The following PALB2 variants were observed in gnomAD, a reference collection of about 807,000 sequenced individuals.
PALB2 encodes the protein mutant partner and localizer of BRCA2.
Under a neutral mutation model 107.4 loss-of-function variants are expected in PALB2, and 82 were observed. That is an observed-to-expected ratio of 0.76 (90% CI 0.64 to 0.92). The LOEUF (loss-of-function observed/expected upper bound fraction) is 0.92. Among genes scored for constraint, PALB2 ranks in the 40% least tolerant of loss-of-function variants. The pLI is 0.00. For missense variants in PALB2, 1,374 were observed against 1,379.9 expected (o/e 1.00, Z 0.07); for synonymous variants, 489 against 496.8 (o/e 0.98, Z 0.21).
intron 4 of PALB2, among the ~76,000 whole-genome samples, 184 bp downstream of exon 4, chr16:23,634,678 T>G (rs1487660441): frequency 1.3e-5 from 2 of 148,586 alleles, no homozygotes; most frequent in African/African-American, 5.0e-5. Flanking sequence ...TTTATTTATT[T>G]AAATTTTTTT....
At chr16:23,614,760 C>T (rs1209676888) in intron 10 of PALB2, among the ~76,000 whole-genome samples, 1 of 146,010 alleles carries the variant, frequency 6.8e-6, no homozygotes, top group African/African-American at 2.5e-5. Context: ...ACGCCATTCT[C>T]CTGCCTCAGC....
intron 6 of PALB2, among the ~76,000 whole-genome samples, chr16:23,627,448 C>T (rs1354893212): frequency 5.4e-5 from 8 of 147,510 alleles, no homozygotes; most frequent in Non-Finnish European, 1.2e-4. Context: ...GATTGCGCCA[C>T]TGCAGTCCGC....
At chr16:23,619,811 G>T (rs1333142971) in intron 10 of PALB2, among the ~76,000 whole-genome samples, 2 of 150,772 alleles carry the variant, frequency 1.3e-5, no homozygotes, top group African/African-American at 4.9e-5. Context: ...ACAGAATCTT[G>T]CTCTGTCGCC....
rs974068286 is a variant in PALB2, at chr16:23,629,430, G to T, written c.2515-155C>A. On this transcript the variant is annotated intron_variant, in intron 5 of 12. Transcript: ENST00000261584. ...CAAACTGTTTCACTGATAACAAAGA[G>T]AATAGGACCTCCCATATTTAAAAGA... Among the ~76,000 whole-genome samples the T allele has an allele frequency of 2.6e-5, 4 of 152,296 alleles. No homozygotes were observed. The South Asian group carries it at 8.3e-4, about 32-fold the overall frequency.
chr16:23,626,011 G>A (rs551515466), intron 7 of PALB2, among the ~76,000 whole-genome samples: 45 of 152,026 alleles, frequency 3.0e-4, no homozygotes, highest in Non-Finnish European at 5.7e-4. Flanking sequence ...GTGATAAAGC[G>A]AACAAAGCAG....
Position 23,638,130 on chromosome 16 carries a change from C to G in PALB2, c.49-1G>C, listed in dbSNP as rs1440838364. The G allele has an allele frequency of 6.2e-7, 1 of 1,613,118 alleles. No homozygotes were observed. The highest frequency in any genetic ancestry group is 1.7e-5 in the Admixed American group (1 of 59,972). ...TCAAGAATGCTAATTTCTCCTTTAA[C>G]TGGAAGAAGAAAAACACCAACAATA... On this transcript the variant is annotated splice_acceptor_variant, in intron 1 of 12. Coordinates refer to ENST00000261584, the MANE Select transcript of PALB2 (RefSeq NM_024675.4). LOFTEE classifies it high-confidence loss of function.
chr16:23,628,924 G>A (rs531752409), intron 6 of PALB2, among the ~76,000 whole-genome samples: 94 of 152,244 alleles, frequency 6.2e-4, no homozygotes, highest in Non-Finnish European at 1.2e-3. Flanking sequence ...GTGAGCCACC[G>A]TGCCCAGCTC....
intron 10 of PALB2, among the ~76,000 whole-genome samples, chr16:23,618,699 A>C (rs1453594684): frequency 1.3e-5 from 2 of 152,154 alleles, no homozygotes; most frequent in Non-Finnish European, 2.9e-5. Context: ...AAAAAATATC[A>C]AGTTTGAATA....
At chr16:23,619,195 A>C (rs1188692512) in intron 10 of PALB2, among the ~76,000 whole-genome samples, 1 of 152,154 alleles carries the variant, frequency 6.6e-6, no homozygotes, top group East Asian at 1.9e-4. Flanking sequence ...GAAAAGAAAA[A>C]ACATCAATCT....
At chr16:23,636,422 C>G (rs2142449286) in intron 3 of PALB2, 88 bp from the exon 4 acceptor site, 3 of 835,376 alleles carry the variant, frequency 3.6e-6, no homozygotes, top group Non-Finnish European at 5.4e-6. Flanking sequence ...TATATAAATA[C>G]TACTAAACAT....
chr16:23,623,912 C>CGAA (rs1461026254), intron 8 of PALB2, 97 bp downstream of exon 8: 17 of 800,402 alleles, frequency 2.1e-5, no homozygotes, highest in Non-Finnish European at 3.4e-5. Flanking sequence ...CTTTCAGATT[C>CGAA]TTTCAAGACT....
At chr16:23,630,672 C>T (rs1055482850) in intron 4 of PALB2, among the ~76,000 whole-genome samples, 1 of 152,176 alleles carries the variant, frequency 6.6e-6, no homozygotes, top group African/African-American at 2.4e-5. Context: ...TAATACCCAA[C>T]AAAGAGTGAG....
At position 23,636,216 on chromosome 16, in the gene PALB2, T is replaced by TC; in HGVS notation, c.329dup (p.Asp111ArgfsTer13). The TC allele has an allele frequency of 6.2e-7, 1 of 1,613,232 alleles. No homozygotes were observed. The highest frequency in any genetic ancestry group is 1.3e-5 in the African/African-American group (1 of 74,944). On this transcript the variant is annotated frameshift_variant, in exon 4 of 13. Transcript: ENST00000261584. LOFTEE classifies it high-confidence loss of function. ...GTATAGGTAATCCTCCTGGGCCATC[T>TC]CCAGGGTTAAAGGACTCAGGCCCAA...
Position 23,635,841 on chromosome 16 carries a change from T to C in PALB2, c.705A>G (p.Thr235=), listed in dbSNP as rs2142436806. The C allele has an allele frequency of 6.2e-7, 1 of 1,614,176 alleles. No homozygotes were observed. The highest frequency in any genetic ancestry group is 8.5e-7 in the Non-Finnish European group (1 of 1,180,018). ...TGGTGAAATTAGGTCTTCTTAGGAA[T>C]GTATCAACACCTTTTTCTGGTTGGG... ...PTAQPEKGVD[T]FLRRPNFTRA... The change falls in exon 4 of 13, where the codon ACA becomes ACG. Residue 235 remains threonine (T), a synonymous_variant. Transcript: ENST00000261584.
chr16:23,640,442 T>C, intron 1 of PALB2: 1 of 204,122 alleles, frequency 4.9e-6, no homozygotes. Context: ...AAGCGGAGGT[T>C]GCAGTGAGCC....
intron 1 of PALB2, 76 bp from the exon 2 acceptor site, chr16:23,638,205 G>A (rs1048326530): frequency 1.4e-5 from 17 of 1,192,810 alleles, no homozygotes; most frequent in Middle Eastern, 1.9e-4. Flanking sequence ...AGTGCTTGGC[G>A]GGGTCCCTTG....
intron 10 of PALB2, among the ~76,000 whole-genome samples, chr16:23,618,440 G>A (rs1966720265): frequency 1.3e-5 from 2 of 152,208 alleles, no homozygotes; most frequent in Admixed American, 1.3e-4. Context: ...GAGGACGGCA[G>A]AGCTGGAGAG....
intron 11 of PALB2, 104 bp from the exon 12 acceptor site, chr16:23,608,116 G>A (rs746661128): frequency 5.2e-5 from 64 of 1,228,288 alleles, no homozygotes; most frequent in African/African-American, 1.7e-4. Context: ...AGCAATGACC[G>A]ATAGGCTCTG....
At chr16:23,625,594 A>G (rs1966840981) in intron 7 of PALB2, among the ~76,000 whole-genome samples, 1 of 152,110 alleles carries the variant, frequency 6.6e-6, no homozygotes, top group Non-Finnish European at 1.5e-5. Flanking sequence ...CAGGAGTTCA[A>G]GAACAGCCTG....
Sources: allele counts gnomAD v4.1 joint callset (sites outside exome capture counted in the v4.1 genomes callset), GRCh38; gene constraint gnomAD v4.1.1; transcripts MANE v1.5; gene names NCBI Gene and HGNC (gene_info 2026-07-23, HGNC 2026-07-21).